Variants in APLF observed in about 807,000 individuals in gnomAD.
The protein encoded by APLF is aprataxin and PNKP like factor.
APLF carries 61 observed loss-of-function variants against 55.6 expected under a neutral mutation model. The ratio of observed to expected loss-of-function variants is 1.10; its 90% CI spans 0.89 to 1.36. The LOEUF (loss-of-function observed/expected upper bound fraction) is 1.36. Among genes scored for constraint, APLF ranks in the 40% most tolerant of loss-of-function variants. The pLI is 0.00. For missense variants in APLF, 611 were observed against 602.5 expected (o/e 1.01, Z -0.15); for synonymous variants, 207 against 214.8 (o/e 0.96, Z 0.32).
At chr2:68,567,020 T>C (rs1262341022) in intron 8 of APLF, among the ~76,000 whole-genome samples, 1 of 152,074 alleles carries the variant, frequency 6.6e-6, no homozygotes, top group Admixed American at 6.6e-5. Context: ...TATTTTATAT[T>C]TGCATATATG....
In APLF at chr2:68,577,967, A is replaced by C. The variant is rs200581588; in HGVS notation, c.1481A>C (p.Lys494Thr). 1 of 1,613,516 alleles carries C rather than the reference A, an allele frequency of 6.2e-7. No homozygotes were observed. The highest frequency in any genetic ancestry group is 1.3e-5 in the African/African-American group (1 of 74,924). Reference protein sequence around the residue: ...DWEPGKEDEEKEDVEELLKEA... With the variant: ...DWEPGKEDEETEDVEELLKEA... ...GAACCAGGAAAGGAAGATGAAGAGA[A>C]GGAAGATGTGGAAGAGCTTTTGAAA... The change falls in exon 10 of 10, where the codon AAG becomes ACG. Residue 494 changes from lysine (K) to threonine (T), a missense_variant. Lys to Thr is a moderately conservative substitution (Grantham distance 78). Transcript: ENST00000303795.
intron 9 of APLF, among the ~76,000 whole-genome samples, chr2:68,571,688 T>C (rs1459036409): frequency 6.6e-6 from 1 of 152,212 alleles, no homozygotes; most frequent in Non-Finnish European, 1.5e-5. Flanking sequence ...CTGTTTAGGT[T>C]ACTGTAGCCT....
At chr2:68,489,965 T>C (rs1179392336) in intron 1 of APLF, among the ~76,000 whole-genome samples, 1 of 152,178 alleles carries the variant, frequency 6.6e-6, no homozygotes, top group African/African-American at 2.4e-5. Context: ...ATTCTAGGCT[T>C]GAGGCTCTGT....
intron 6 of APLF, among the ~76,000 whole-genome samples, chr2:68,535,072 C>G (rs1007094522): frequency 1.1e-4 from 17 of 152,174 alleles, no homozygotes; most frequent in African/African-American, 3.9e-4. Flanking sequence ...TCGAGAACCC[C>G]TGATCCATAG....
At chr2:68,573,390 C>T (rs1024153566) in intron 9 of APLF, among the ~76,000 whole-genome samples, 9 of 151,950 alleles carry the variant, frequency 5.9e-5, no homozygotes, top group Non-Finnish European at 1.3e-4. Context: ...AAGTAATTTC[C>T]GGCCAGGCAC....
intron 5 of APLF, among the ~76,000 whole-genome samples, chr2:68,523,697 T>G (rs1222475293): frequency 2.0e-5 from 3 of 151,944 alleles, no homozygotes; most frequent in Non-Finnish European, 2.9e-5. Context: ...TTGGTAATAG[T>G]TAAAATCAAG....
chr2:68,546,142 G>T (rs369909682), intron 8 of APLF, among the ~76,000 whole-genome samples: 4 of 152,154 alleles, frequency 2.6e-5, no homozygotes, highest in African/African-American at 9.6e-5. Flanking sequence ...TGAAAGGTAA[G>T]TGTTCATTAT....
intron 5 of APLF, 56 bp from the exon 6 acceptor site, chr2:68,526,005 T>C: frequency 1.3e-6 from 2 of 1,494,590 alleles, no homozygotes; most frequent in Non-Finnish European, 1.8e-6. Context: ...TGATATGGAT[T>C]ATTGACATTT....
intron 8 of APLF, among the ~76,000 whole-genome samples, chr2:68,562,440 A>G (rs370666402): frequency 6.6e-6 from 1 of 152,106 alleles, no homozygotes; most frequent in East Asian, 1.9e-4. Flanking sequence ...TTTAAGAAAA[A>G]TCTCATGCCC....
intron 1 of APLF, among the ~76,000 whole-genome samples, chr2:68,489,824 A>G (rs1411502904): frequency 6.6e-6 from 1 of 152,146 alleles, no homozygotes; most frequent in Non-Finnish European, 1.5e-5. Flanking sequence ...TGTTTCTTGT[A>G]TTTGAAATGT....
At position 68,579,471 on chromosome 2, in the gene APLF, C is replaced by A. The variant is rs1671714282; in HGVS notation, c.*1449C>A. 1.2e-6 allele frequency: 1 copy of A among 860,698 alleles called. No homozygotes were observed. The highest frequency in any genetic ancestry group is 1.4e-6 in the Non-Finnish European group (1 of 716,480). 53.3% of individuals were successfully genotyped at this position (860,698 alleles called of 1,614,324 possible). The stretch of plus-strand genomic sequence containing the variant: ...ATACCCAGAGGAATTGAAAACATTT[C>A]CACATAAAAACTGTACACAATGTCA... On this transcript the variant is annotated 3_prime_UTR_variant, in exon 10 of 10. Coordinates refer to ENST00000303795, the MANE Select transcript of APLF (RefSeq NM_173545.3).
intron 6 of APLF, among the ~76,000 whole-genome samples, chr2:68,532,416 G>A (rs1670283772): frequency 6.6e-6 from 1 of 152,168 alleles, no homozygotes; most frequent in African/African-American, 2.4e-5. Flanking sequence ...TTGGTGTGTG[G>A]AGCCTGTGCA....
intron 2 of APLF, among the ~76,000 whole-genome samples, chr2:68,502,413 G>T (rs1479916393): frequency 4.6e-5 from 7 of 152,038 alleles, no homozygotes; most frequent in African/African-American, 7.2e-5. Context: ...ATTTCTTCTT[G>T]TGATGTCTAG....
chr2:68,548,743 T>C (rs1338234074), intron 8 of APLF, among the ~76,000 whole-genome samples: 1 of 151,952 alleles, frequency 6.6e-6, no homozygotes, highest in East Asian at 1.9e-4. Context: ...GCCTTTTCAT[T>C]TGTTAAAAAA....
intron 3 of APLF, among the ~76,000 whole-genome samples, chr2:68,508,758 GC>G (rs1482865613): frequency 2.0e-5 from 3 of 151,998 alleles, no homozygotes; most frequent in African/African-American, 4.8e-5. Context: ...AGCCCACATT[GC>G]CAAGACAATC....
rs186402593 is a variant in APLF at position 68,551,291 on chromosome 2, T to C, written c.1286+5979T>C. Among the ~76,000 whole-genome samples, 317 of 152,236 alleles carry C rather than the reference T, an allele frequency of 2.1e-3. 4 individuals carry two copies. Among genetic ancestry groups the C allele is most frequent in the Non-Finnish European group, 1.3e-3 (90 of 67,994 alleles). ...TTAAGATTTTTATCTTTGCCTTTAG[T>C]TTTTAACAGTTTAACTAACGTGCCT... On this transcript the variant is annotated intron_variant, in intron 8 of 9. Coordinates refer to ENST00000303795, the MANE Select transcript of APLF (RefSeq NM_173545.3).
intron 1 of APLF, among the ~76,000 whole-genome samples, chr2:68,484,264 AT>A (rs1248978146): frequency 2.6e-5 from 4 of 152,168 alleles, no homozygotes; most frequent in Non-Finnish European, 4.4e-5. Flanking sequence ...ACCTGTATGT[AT>A]ATTATAGTAG....
intron 5 of APLF, among the ~76,000 whole-genome samples, chr2:68,517,583 A>G (rs968276564): frequency 4.2e-5 from 6 of 144,204 alleles, no homozygotes; most frequent in Admixed American, 1.4e-4. Context: ...TATCACTAAT[A>G]TATGTAATTA....
intron 9 of APLF, among the ~76,000 whole-genome samples, chr2:68,570,217 A>G (rs1037776111): frequency 3.1e-4 from 47 of 151,188 alleles, no homozygotes; most frequent in African/African-American, 9.2e-4. Context: ...GAGTGCTACA[A>G]TTTTTGCACA....
Sources: gnomAD v4.1 joint callset for allele counts (sites outside exome capture counted in the v4.1 genomes callset) on GRCh38, gnomAD v4.1.1 for gene constraint, MANE v1.5 for transcripts, NCBI Gene and HGNC (gene_info 2026-07-23, HGNC 2026-07-21) for gene names.